The following CLK2 variants were observed in gnomAD, a reference collection of about 807,000 sequenced individuals.
CLK2 encodes the protein CDC like kinase 2.
A neutral mutation model predicts 73.5 loss-of-function variants in CLK2; 12 were observed. The observed-to-expected ratio is 0.16, with a 90% CI of 0.10 to 0.26. CLK2 has a LOEUF of 0.26. CLK2 is among the 10% of genes least tolerant of loss of function. CLK2 has a pLI of 1.00. For missense variants in CLK2, 509 were observed against 688.4 expected (o/e 0.74, Z 2.92); for synonymous variants, 232 against 237.9 (o/e 0.98, Z 0.23).
intron 1 of CLK2, among the ~76,000 whole-genome samples, chr1:155,272,973 T>C (rs896308619): frequency 6.6e-6 from 1 of 152,084 alleles, no homozygotes; most frequent in Non-Finnish European, 1.5e-5. Context: ...CCATCCTTAC[T>C]CTATCATCCC....
At chr1:155,266,670 A>C in intron 7 of CLK2, 59 bp downstream of exon 7, 5 of 1,565,074 alleles carry the variant, frequency 3.2e-6, no homozygotes, top group Non-Finnish European at 4.3e-6. Context: ...CACAACCGAC[A>C]GAGAGATCCA....
Position 155,273,418 on chromosome 1 carries a change from G to C in CLK2, c.-218C>G, listed in dbSNP as rs1334346628. The C allele has an allele frequency of 7.2e-6, 1 of 139,006 alleles. No homozygotes were observed. Among genetic ancestry groups the C allele is most frequent in the Non-Finnish European group, 1.6e-5 (1 of 64,460 alleles). The allele number at this position is 139,006 out of a possible 1,614,324, so 8.6% of individuals were successfully genotyped here. The stretch of plus-strand genomic sequence containing the variant: ...AGATCTGCTTGGCGCCGCTCGCACC[G>C]CCCCCGCCCGGGGCCCGATCCCAGC... On this transcript the variant is annotated 5_prime_UTR_variant, in exon 1 of 13. Transcript: ENST00000368361.
At chr1:155,273,098 C>T (rs187419009) in intron 1 of CLK2, 103 bp downstream of exon 1, 1 of 152,406 alleles carries the variant, frequency 6.6e-6, no homozygotes, top group Admixed American at 6.5e-5. Context: ...CAACTCTCCT[C>T]CTCTCCAAAT....
intron 9 of CLK2, 27 bp downstream of exon 9, chr1:155,264,618 C>T: frequency 6.2e-7 from 1 of 1,614,242 alleles, no homozygotes; most frequent in Non-Finnish European, 8.5e-7. Flanking sequence ...TCATCTCACA[C>T]ACTTGGACAG....
chr1:155,273,374 G>A lies in CLK2; in HGVS notation c.-174C>T, dbSNP rs1294694433. On this transcript the variant is annotated 5_prime_UTR_variant, in exon 1 of 13. Transcript: ENST00000368361. Reference sequence around the variant, plus strand: ...GCTCCGCTTCAGTCCCGCCCGCCCCGGCTCCGTCCCCGCCCCTAAGATCTG... The same window carrying A: ...GCTCCGCTTCAGTCCCGCCCGCCCCAGCTCCGTCCCCGCCCCTAAGATCTG... The A allele has an allele frequency of 3.3e-5, 3 of 89,726 alleles. No individual in the cohort carries two copies. The highest frequency in any genetic ancestry group is 1.3e-4 in the African/African-American group (3 of 23,904). The allele number at this position is 89,726 out of a possible 1,614,324, so 5.6% of individuals were successfully genotyped here. A position where few individuals can be genotyped will look rare whatever the true frequency, so the allele number is the denominator to read the frequency against.
chr1:155,269,566 A>G lies in CLK2; in HGVS notation c.321T>C (p.Ser107=). 6.2e-7 allele frequency: 1 copy of G among 1,614,188 alleles called. No homozygotes were observed. The highest frequency in any genetic ancestry group is 8.5e-7 in the Non-Finnish European group (1 of 1,180,038). The change falls in exon 3 of 13, where the codon AGT becomes AGC. Residue 107 remains serine (S), a synonymous_variant. Coordinates refer to ENST00000368361, the MANE Select transcript of CLK2 (RefSeq NM_001294338.2). ...HSYEYQRENS[S]YRSQRSSRRK... is the part of the protein sequence containing the mutation. ...TCCGGCTGCTGCGCTGGCTGCGGTAACTGCTGTTCTCCCGCTGATATTCAT... is the reference window on the plus strand; with the variant it reads ...TCCGGCTGCTGCGCTGGCTGCGGTAGCTGCTGTTCTCCCGCTGATATTCAT...
At chr1:155,264,067 T>C in intron 11 of CLK2, 27 bp from the exon 12 acceptor site, 1 of 1,594,370 alleles carries the variant, frequency 6.3e-7, no homozygotes. Context: ...GGTTGAGGAA[T>C]CAGAAGGTCA....
rs1369397843 is a variant in CLK2 at position 155,272,831 on chromosome 1, A to C, written c.-1+370T>G. Reference sequence around the variant, plus strand: ...TTGCTTTTTCCTTTCTTACTCAGAAAATCCAGAACTCCTACAGGCAAATTC... The same window carrying C: ...TTGCTTTTTCCTTTCTTACTCAGAACATCCAGAACTCCTACAGGCAAATTC... On this transcript the variant is annotated intron_variant, in intron 1 of 12. Coordinates refer to ENST00000368361, the MANE Select transcript of CLK2 (RefSeq NM_001294338.2). Among the ~76,000 whole-genome samples the C allele has an allele frequency of 1.1e-4, 17 of 152,296 alleles. No homozygotes were observed. The East Asian group carries it at 3.3e-3, about 29-fold the overall frequency.
At chr1:155,265,617 G>C (rs912734601) in intron 8 of CLK2, among the ~76,000 whole-genome samples, 3 of 109,974 alleles carry the variant, frequency 2.7e-5, no homozygotes, top group African/African-American at 1.2e-4. Flanking sequence ...TCCAAACCAA[G>C]AACCTTAAAA....
intron 7 of CLK2, 98 bp from the exon 8 acceptor site, chr1:155,266,052 G>C (rs1355741283): frequency 1.3e-6 from 1 of 794,486 alleles, no homozygotes; most frequent in Non-Finnish European, 2.3e-6. Flanking sequence ...AAGCCAGTGA[G>C]GAGACAGGTC....
chr1:155,268,889 G>A lies in CLK2; in HGVS notation c.400-94C>T, dbSNP rs1297054802. 1.3e-6 allele frequency: 1 copy of A among 751,592 alleles called. No individual in the cohort carries two copies. The highest frequency in any genetic ancestry group is 1.7e-5 in the African/African-American group (1 of 58,394). The allele number at this position is 751,592 out of a possible 1,614,324, so 46.6% of individuals were successfully genotyped here. ...GTGGTAGAGGGGTCACCGGTCACAG[G>A]CGCCCAGCCAGGGGGGACAGACGAT... On this transcript the variant is annotated intron_variant, in intron 3 of 12. Coordinates refer to ENST00000368361, the MANE Select transcript of CLK2 (RefSeq NM_001294338.2). The surrounding 1 kb of genome is among the most constrained non-coding windows in gnomAD (Gnocchi z 5.6).
At chr1:155,263,795 TTA>T in intron 12 of CLK2, 153 bp downstream of exon 12, 1 of 893,924 alleles carries the variant, frequency 1.1e-6, no homozygotes, top group Non-Finnish European at 1.3e-6. Context: ...CCACTCCCTC[TTA>T]TGTTTCCTCT....
At position 155,263,383 on chromosome 1, in the gene CLK2, C is replaced by G; in HGVS notation, c.1335G>C (p.Glu445Asp). The G allele has an allele frequency of 6.2e-7, 1 of 1,614,098 alleles. No individual in the cohort carries two copies. The change falls in exon 13 of 13, where the codon GAG (glutamate) becomes GAC (aspartate). Residue 445 changes from glutamate to aspartate, a missense_variant. Coordinates refer to ENST00000368361, the MANE Select transcript of CLK2 (RefSeq NM_001294338.2). ...CGAAGAGCTGGTGGTGTTCCTCTGCCTCTGAGGTCAGATACCGCTGGTGGA... is the reference window on the plus strand; with the variant it reads ...CGAAGAGCTGGTGGTGTTCCTCTGCGTCTGAGGTCAGATACCGCTGGTGGA... ...CKPLRRYLTS[E>D]AEEHHQLFDL...
chr1:155,263,516 G>T, intron 12 of CLK2, 116 bp from the exon 13 acceptor site: 4 of 1,475,020 alleles, frequency 2.7e-6, no homozygotes, highest in Non-Finnish European at 1.8e-6. Context: ...CAATTTGAAG[G>T]CTACCTAACC....
chr1:155,266,133 T>C lies in CLK2; in HGVS notation c.839-179A>G, dbSNP rs116823996. On this transcript the variant is annotated intron_variant, in intron 7 of 12. Transcript: ENST00000368361. ...CTGGTCTAAGAAGCTCTGCTCTTTCTAATGTAAGATACATATGTAGCTCAA... is the reference window on the plus strand; with the variant it reads ...CTGGTCTAAGAAGCTCTGCTCTTTCCAATGTAAGATACATATGTAGCTCAA... 7.3e-3 allele frequency among the ~76,000 whole-genome samples: 1,113 copies of C among 151,566 alleles called. 15 individuals carry two copies. The highest frequency in any genetic ancestry group is 0.025 in the African/African-American group (1,022 of 41,512).
Position 155,268,654 on chromosome 1 carries a change from A to G in CLK2, c.487+54T>C. Reference sequence around the variant, plus strand: ...GTGACTCAGGTTGGCTTGGGACGTTAGGATGGCTATGGGACCATTACAGGC... The same window carrying G: ...GTGACTCAGGTTGGCTTGGGACGTTGGGATGGCTATGGGACCATTACAGGC... On this transcript the variant is annotated intron_variant, in intron 4 of 12. Transcript: ENST00000368361. The surrounding 1 kb of genome is among the most constrained non-coding windows in gnomAD (Gnocchi z 5.6). 2 of 1,522,056 alleles carry G rather than the reference A, an allele frequency of 1.3e-6. No homozygotes were observed. The highest frequency in any genetic ancestry group is 1.8e-6 in the Non-Finnish European group (2 of 1,096,278). 94.3% of individuals were successfully genotyped at this position (1,522,056 alleles called of 1,614,324 possible).
At position 155,264,239 on chromosome 1, in the gene CLK2, C is replaced by G. The variant is rs752431100; in HGVS notation, c.1208G>C (p.Arg403Pro). ...MERILGPIPS[R>P]MIRKTRKQKY... ...GGTTCACCTTGTCTTTCGGATCATCCGGGAAGGGATAGGACCCAAGATCCT... is the reference window on the plus strand; with the variant it reads ...GGTTCACCTTGTCTTTCGGATCATCGGGGAAGGGATAGGACCCAAGATCCT... Residue 403 changes from arginine (R) to proline (P), a missense_variant, in exon 11 of 13, where the codon CGG becomes CCG. Physicochemically the swap from Arg to Pro is moderately radical, Grantham distance 103. Around this residue, in one of 6 missense-constraint regions of CLK2, gnomAD observed 134 missense variants for 146.0 expected, o/e 0.92. Coordinates refer to ENST00000368361, the MANE Select transcript of CLK2 (RefSeq NM_001294338.2). 6.2e-7 allele frequency: 1 copy of G among 1,614,116 alleles called. No homozygotes were observed. The highest frequency in any genetic ancestry group is 1.7e-5 in the Admixed American group (1 of 60,022).
Position 155,269,685 on chromosome 1 carries a change from C to T in CLK2, c.202G>A (p.Val68Met). ...SYDDRSSDRRVYDRRYCGSYR... is the reference protein window; with the variant it reads ...SYDDRSSDRRMYDRRYCGSYR... ...CTGCCACAGTATCGCCGGTCATACA[C>T]CCTCCGGTCGGACGAACGATCATCA... The change falls in exon 3 of 13, where the codon GTG becomes ATG. Residue 68 changes from valine (V) to methionine (M), a missense_variant. Transcript: ENST00000368361. The T allele has an allele frequency of 1.2e-6, 2 of 1,614,244 alleles. No individual in the cohort carries two copies. The highest frequency in any genetic ancestry group is 8.5e-7 in the Non-Finnish European group (1 of 1,180,052).
At chr1:155,271,571 A>G (rs1443961821) in intron 1 of CLK2, among the ~76,000 whole-genome samples, 2 of 152,128 alleles carry the variant, frequency 1.3e-5, no homozygotes, top group Non-Finnish European at 2.9e-5. Flanking sequence ...CTCCATGAAG[A>G]CCTTCAGGTC....
Sources: allele counts gnomAD v4.1 joint callset (sites outside exome capture counted in the v4.1 genomes callset), GRCh38; gene constraint gnomAD v4.1.1; regional missense constraint gnomAD v4.1.1; non-coding constraint Gnocchi (gnomAD v3.1); transcripts MANE v1.5; gene names NCBI Gene and HGNC (gene_info 2026-07-23, HGNC 2026-07-21).